Variants in ANKS1B observed in about 807,000 individuals in gnomAD.
ANKS1B encodes ankyrin repeat and sterile alpha motif domain-containing protein 1B.
Under a neutral mutation model 148.3 loss-of-function variants are expected in ANKS1B, and 36 were observed. That is an observed-to-expected ratio of 0.24 (90% confidence interval 0.19 to 0.32). The LOEUF (loss-of-function observed/expected upper bound fraction) is 0.32, where lower values mean the gene tolerates loss of function less well. Among genes scored for constraint, ANKS1B ranks in the 10% least tolerant of loss-of-function variants. The probability of loss-of-function intolerance (pLI) is 1.00; values close to 1 mark genes in which losing one functional copy is unlikely to be tolerated. For synonymous variants in ANKS1B, 542 were observed against 560.8 expected (o/e 0.97, Z 0.47); for missense variants, 1,157 against 1,542.6 (o/e 0.75, Z 4.19).
At chr12:99,426,417 G>T (rs779760909) in intron 11 of ANKS1B, among the ~76,000 whole-genome samples, 2 of 148,740 alleles carry the variant, frequency 1.3e-5, no homozygotes, top group Non-Finnish European at 3.1e-5. Context: ...ATCTTAAATA[G>T]TAATATGATT....
At chr12:99,918,006 G>A (rs2094224474) in intron 1 of ANKS1B, among the ~76,000 whole-genome samples, 1 of 152,202 alleles carries the variant, frequency 6.6e-6, no homozygotes, top group South Asian at 2.1e-4. Flanking sequence ...AGGGCTCTAG[G>A]TTGCATGCTC....
chr12:99,897,923 G>A (rs2093442670), intron 1 of ANKS1B, among the ~76,000 whole-genome samples: 1 of 144,430 alleles, frequency 6.9e-6, no homozygotes, highest in Non-Finnish European at 1.6e-5. Flanking sequence ...GTTCTTAGAA[G>A]AGAATGATGG....
chr12:99,479,949 G>C (rs919820045), intron 10 of ANKS1B, among the ~76,000 whole-genome samples: 1 of 151,550 alleles, frequency 6.6e-6, no homozygotes, highest in Non-Finnish European at 1.5e-5. Context: ...TAATTAGTTT[G>C]ATTTATCCAT....
intron 11 of ANKS1B, among the ~76,000 whole-genome samples, chr12:99,438,854 C>G (rs1017926364): frequency 6.6e-6 from 1 of 151,644 alleles, no homozygotes; most frequent in Admixed American, 6.6e-5. Flanking sequence ...TTCATTGCAT[C>G]ATTTTACTAT....
rs1480672255 is a variant in ANKS1B at position 98,813,118 on chromosome 12, GAGTTTTGAAA to G, written c.3067-5210_3067-5201del. 5.3e-5 allele frequency among the ~76,000 whole-genome samples: 8 copies of G among 152,196 alleles called. No individual in the cohort carries two copies. The East Asian group carries it at 1.5e-3, about 29-fold the overall frequency. ...AGGGTAAAACATGTATTGAAGTACT[GAGTTTTGAAA>G]AGTTTTGAGAAAGAAATATAATACC... is the stretch of plus-strand genomic sequence containing the variant. On this transcript the variant is annotated intron_variant, in intron 19 of 26. Coordinates refer to ENST00000683438, the MANE Select transcript of ANKS1B (RefSeq NM_001352186.2).
At chr12:99,919,106 C>A (rs2094267258) in intron 1 of ANKS1B, among the ~76,000 whole-genome samples, 1 of 152,130 alleles carries the variant, frequency 6.6e-6, no homozygotes, top group South Asian at 2.1e-4. Context: ...ATGCTTGAGG[C>A]ATCAGAATGA....
intron 9 of ANKS1B, among the ~76,000 whole-genome samples, chr12:99,550,019 T>C (rs76636830): frequency 6.6e-6 from 1 of 152,134 alleles, no homozygotes; most frequent in Non-Finnish European, 1.5e-5. Flanking sequence ...CTAGCTGGTA[T>C]CCCCTTCTGC....
intron 17 of ANKS1B, among the ~76,000 whole-genome samples, chr12:98,979,209 ATCACT>A (rs1373728900): frequency 4.6e-5 from 7 of 151,894 alleles, no homozygotes; most frequent in Non-Finnish European, 8.8e-5. Flanking sequence ...TACCACTTAC[ATCACT>A]TCATTTCTTT....
At chr12:99,595,467 G>T (rs1047055709) in intron 9 of ANKS1B, among the ~76,000 whole-genome samples, 49 of 151,842 alleles carry the variant, frequency 3.2e-4, no homozygotes, top group East Asian at 9.7e-4. Flanking sequence ...GTAATAAGAT[G>T]AATATTTTAT....
intron 9 of ANKS1B, among the ~76,000 whole-genome samples, chr12:99,616,180 A>C (rs2097957915): frequency 6.6e-6 from 1 of 152,216 alleles, no homozygotes; most frequent in Non-Finnish European, 1.5e-5. Flanking sequence ...GCTCATGGAT[A>C]GGAAGAATCA....
chr12:99,283,469 G>C (rs1006291843), intron 12 of ANKS1B, among the ~76,000 whole-genome samples: 2 of 152,142 alleles, frequency 1.3e-5, no homozygotes, highest in South Asian at 4.1e-4. Flanking sequence ...GTTTTGTGAG[G>C]AGTCAGGTTT....
intron 14 of ANKS1B, among the ~76,000 whole-genome samples, chr12:99,175,928 C>T (rs1218683490): frequency 3.3e-5 from 5 of 152,134 alleles, no homozygotes; most frequent in African/African-American, 9.7e-5. Context: ...TTGACTGAAA[C>T]TTCTGCCTCT....
At chr12:99,901,385 C>T (rs970941717) in intron 1 of ANKS1B, among the ~76,000 whole-genome samples, 12 of 152,196 alleles carry the variant, frequency 7.9e-5, no homozygotes, top group African/African-American at 1.7e-4. Flanking sequence ...CCCACAATTT[C>T]GTTTCAAATT....
chr12:98,854,409 G>A (rs952591806), intron 17 of ANKS1B, among the ~76,000 whole-genome samples: 20 of 152,174 alleles, frequency 1.3e-4, no homozygotes, highest in Non-Finnish European at 1.5e-4. Context: ...ATGAGTAGAT[G>A]ATATTTAGTA....
chr12:99,378,531 T>C (rs1054693007), intron 12 of ANKS1B, among the ~76,000 whole-genome samples: 1 of 151,732 alleles, frequency 6.6e-6, no homozygotes, highest in Non-Finnish European at 1.5e-5. Context: ...GACATGCACC[T>C]GTAGTCTCAG....
chr12:99,170,189 T>C (rs1419081459), intron 14 of ANKS1B, among the ~76,000 whole-genome samples: 1 of 152,194 alleles, frequency 6.6e-6, no homozygotes, highest in African/African-American at 2.4e-5. Flanking sequence ...ATATTGCAGC[T>C]TCAGTGCTGT....
chr12:98,749,672 C>T (rs1434083844), intron 26 of ANKS1B, among the ~76,000 whole-genome samples: 1 of 152,040 alleles, frequency 6.6e-6, no homozygotes, highest in Admixed American at 6.6e-5. Context: ...GTGAGCATTA[C>T]ATAGTCAAGG....
chr12:99,158,751 C>T (rs1390017705), intron 14 of ANKS1B, among the ~76,000 whole-genome samples: 2 of 152,182 alleles, frequency 1.3e-5, no homozygotes, highest in African/African-American at 2.4e-5. Flanking sequence ...AGCCATAGCT[C>T]CCTCTGGCCC....
chr12:99,732,845 C>T (rs1325884802), intron 8 of ANKS1B, among the ~76,000 whole-genome samples: 6 of 152,038 alleles, frequency 3.9e-5, no homozygotes, highest in African/African-American at 9.7e-5. Flanking sequence ...TGTATATTAA[C>T]GTACTGGATA....
Sources: allele counts gnomAD v4.1 joint callset (sites outside exome capture counted in the v4.1 genomes callset), GRCh38; gene constraint gnomAD v4.1.1; transcripts MANE v1.5; gene names NCBI Gene and HGNC (gene_info 2026-07-23, HGNC 2026-07-21).